The following GRIN2A variants were observed in gnomAD, a reference collection of about 807,000 sequenced individuals.
GRIN2A encodes glutamate receptor ionotropic, NMDA 2A.
GRIN2A carries 22 observed loss-of-function variants against 113.4 expected under a neutral mutation model. The observed-to-expected ratio is 0.19, with a 90% confidence interval of 0.14 to 0.28. The LOEUF is 0.28. GRIN2A is among the 10% of genes least tolerant of loss of function. GRIN2A has a pLI of 1.00. For synonymous variants in GRIN2A, 827 were observed against 738.4 expected (o/e 1.12, Z -1.94); for missense variants, 1,502 against 1,887.0 (o/e 0.80, Z 3.78).
At position 9,768,926 on chromosome 16, in the gene GRIN2A, G is replaced by A. The variant is rs780709714; in HGVS notation, c.2520C>T (p.Leu840=). 6.2e-7 allele frequency: 1 copy of A among 1,614,248 alleles called. No homozygotes were observed. The highest frequency in any genetic ancestry group is 8.5e-7 in the Non-Finnish European group (1 of 1,180,024). Residue 840 remains leucine, a synonymous_variant, in exon 12 of 13, where the codon CTC becomes CTT. Transcript: ENST00000330684. ...LSLITFIWEH[L]FYWKLRFCFT... ...AACAGAAGCGCAGCTTCCAGTAGAAGAGGTGCTCCCAGATGAAGGTGATGA... is the reference window on the plus strand; with the variant it reads ...AACAGAAGCGCAGCTTCCAGTAGAAAAGGTGCTCCCAGATGAAGGTGATGA...
At chr16:9,961,605 C>G (rs2045444342) in intron 2 of GRIN2A, among the ~76,000 whole-genome samples, 1 of 152,132 alleles carries the variant, frequency 6.6e-6, no homozygotes, top group Non-Finnish European at 1.5e-5. Flanking sequence ...TAGAAATGTT[C>G]TATATCTTTG....
intron 2 of GRIN2A, among the ~76,000 whole-genome samples, chr16:10,051,612 T>C (rs8062320): frequency 0.09 from 13,750 of 152,278 alleles, 706 homozygotes; most frequent in Non-Finnish European, 0.11. Context: ...TATCAGGGAC[T>C]GGACCATTCG....
At chr16:9,995,639 C>G (rs1485037535) in intron 2 of GRIN2A, among the ~76,000 whole-genome samples, 2 of 151,626 alleles carry the variant, frequency 1.3e-5, no homozygotes, top group South Asian at 2.1e-4. Context: ...CACCCAAGGT[C>G]CCAGTCATCT....
At chr16:9,907,200 T>C (rs1275293074) in intron 3 of GRIN2A, among the ~76,000 whole-genome samples, 1 of 152,212 alleles carries the variant, frequency 6.6e-6, no homozygotes, top group South Asian at 2.1e-4. Flanking sequence ...TTATAAACAT[T>C]TGTGCACAGG....
intron 4 of GRIN2A, among the ~76,000 whole-genome samples, chr16:9,855,369 G>A (rs1025656896): frequency 6.6e-6 from 1 of 152,142 alleles, no homozygotes; most frequent in East Asian, 1.9e-4. Flanking sequence ...ACACAGAAAG[G>A]TCTCCATACG....
At chr16:9,914,730 C>G (rs1755216578) in intron 3 of GRIN2A, among the ~76,000 whole-genome samples, 1 of 151,856 alleles carries the variant, frequency 6.6e-6, no homozygotes, top group South Asian at 2.1e-4. Flanking sequence ...AAGGCTATAA[C>G]AGCTTAATCA....
chr16:9,906,015 T>C (rs559847173), intron 3 of GRIN2A, among the ~76,000 whole-genome samples: 2 of 152,374 alleles, frequency 1.3e-5, no homozygotes, highest in Admixed American at 1.3e-4. Flanking sequence ...TTTAATTAAA[T>C]TAAGCTAATC....
At chr16:10,126,618 G>C (rs2048941599) in intron 2 of GRIN2A, among the ~76,000 whole-genome samples, 1 of 151,810 alleles carries the variant, frequency 6.6e-6, no homozygotes, top group South Asian at 2.1e-4. Context: ...TTCTTAATTT[G>C]TAAGTCATCT....
chr16:10,112,196 G>A (rs547512391), intron 2 of GRIN2A: 52 of 590,840 alleles, frequency 8.8e-5, no homozygotes, highest in African/African-American at 7.9e-4. Context: ...TCATAGTCTT[G>A]GACTCCTCCC....
chr16:10,153,104 T>G (rs1230187303), intron 2 of GRIN2A, among the ~76,000 whole-genome samples: 1 of 152,208 alleles, frequency 6.6e-6, no homozygotes, highest in Non-Finnish European at 1.5e-5. Context: ...GATAATTTTG[T>G]GTCCATGTAG....
intron 2 of GRIN2A, among the ~76,000 whole-genome samples, chr16:10,011,516 T>C (rs2046504848): frequency 6.6e-6 from 1 of 152,110 alleles, no homozygotes; most frequent in African/African-American, 2.4e-5. Context: ...TCTCCAAACA[T>C]TTCCAACACA....
chr16:10,030,862 A>C (rs1000802544), intron 2 of GRIN2A, among the ~76,000 whole-genome samples: 17 of 152,352 alleles, frequency 1.1e-4, no homozygotes, highest in African/African-American at 3.4e-4. Context: ...TTGCTGTCAA[A>C]GTGCCCACAT....
At chr16:9,898,260 C>T (rs1257804714) in intron 3 of GRIN2A, among the ~76,000 whole-genome samples, 1 of 152,030 alleles carries the variant, frequency 6.6e-6, no homozygotes, top group Admixed American at 6.6e-5. Flanking sequence ...GTCATATTTT[C>T]TAACACCCTA....
At chr16:10,145,344 C>CA (rs1005623814) in intron 2 of GRIN2A, among the ~76,000 whole-genome samples, 2 of 152,036 alleles carry the variant, frequency 1.3e-5, no homozygotes, top group Admixed American at 6.5e-5. Flanking sequence ...ACAACAACAA[C>CA]AAAAACAAAA....
intron 2 of GRIN2A, among the ~76,000 whole-genome samples, chr16:10,066,142 A>T (rs1233188203): frequency 6.6e-6 from 1 of 152,176 alleles, no homozygotes; most frequent in Admixed American, 6.5e-5. Flanking sequence ...GCTCTTCATC[A>T]CGGCAGAATT....
In GRIN2A at chr16:10,125,631, GAA is replaced by G. The variant is rs79695852; in HGVS notation, c.414+54365_414+54366del. On this transcript the variant is annotated intron_variant, in intron 2 of 12. Transcript: ENST00000330684. ...ATCCTCATACTGCTCATGGTGGGAG[GAA>G]AAAAAAAAAAAAAAAGACTGTTCCG... is the stretch of plus-strand genomic sequence containing the variant. 3.3e-3 allele frequency among the ~76,000 whole-genome samples: 432 copies of G among 132,020 alleles called. 3 individuals carry two copies. The highest frequency in any genetic ancestry group is 0.011 in the Admixed American group (138 of 13,080). The allele number at this position is 132,020 out of a possible 152,430, so 86.6% of individuals were successfully genotyped here.
rs777029084 is a variant in GRIN2A, at chr16:9,834,144, T to C, written c.1738A>G (p.Ser580Gly). The C allele has an allele frequency of 3.1e-6, 5 of 1,613,156 alleles. No individual in the cohort carries two copies. In the Admixed American group the frequency reaches 5.0e-5, roughly 16 times the overall value. The change falls in exon 8 of 13, where the codon AGC becomes GGC. Residue 580 changes from serine to glycine, a missense_variant. Physicochemically the swap from Ser to Gly is moderately conservative, Grantham distance 56 (BLOSUM62 0). This residue lies in a region of GRIN2A where 82 missense variants were observed against 222.7 expected (regional missense o/e 0.37). Transcript: ENST00000330684. ...AAGTTTCTGTTGTATCCAACAGGGC[T>C]GAAGTATTCAAAGACAAAAACAGCT... is the stretch of plus-strand genomic sequence containing the variant. ...AIAVFVFEYFSPVGYNRNLAK... is the reference protein window; with the variant it reads ...AIAVFVFEYFGPVGYNRNLAK...
At chr16:10,151,104 T>C (rs2049558945) in intron 2 of GRIN2A, among the ~76,000 whole-genome samples, 1 of 152,228 alleles carries the variant, frequency 6.6e-6, no homozygotes, top group Admixed American at 6.5e-5. Context: ...ACTACTGCCA[T>C]CAATGCCCTC....
At chr16:9,924,203 T>A (rs184067276) in intron 3 of GRIN2A, among the ~76,000 whole-genome samples, 1 of 152,206 alleles carries the variant, frequency 6.6e-6, no homozygotes. Flanking sequence ...TTTGTGATGA[T>A]CCATATTCTG....
Sources: gnomAD v4.1 joint callset for allele counts (sites outside exome capture counted in the v4.1 genomes callset) on GRCh38, gnomAD v4.1.1 for gene constraint, gnomAD v4.1.1 regional missense constraint, MANE v1.5 for transcripts, NCBI Gene and HGNC (gene_info 2026-07-23, HGNC 2026-07-21) for gene names.